The following DNAH8 variants were observed in gnomAD, a reference collection of about 807,000 sequenced individuals.
DNAH8 encodes the protein axonemal beta dynein heavy chain 8.
Under a neutral mutation model 562.1 loss-of-function variants are expected in DNAH8, and 382 were observed. The observed-to-expected ratio is 0.68, with a 90% CI of 0.63 to 0.74. The LOEUF (loss-of-function observed/expected upper bound fraction) is 0.74, where lower values mean the gene tolerates loss of function less well. Among genes scored for constraint, DNAH8 ranks in the 30% least tolerant of loss-of-function variants. DNAH8 has a pLI of 0.00. For synonymous variants in DNAH8, 1,881 were observed against 1,919.4 expected, an observed-to-expected ratio of 0.98 and a Z score of 0.52; for missense variants, 5,203 against 5,620.4, an observed-to-expected ratio of 0.93 and a Z score of 2.37.
chr6:38,910,264 A>G (rs942223909), intron 65 of DNAH8, among the ~76,000 whole-genome samples: 1 of 152,218 alleles, frequency 6.6e-6, no homozygotes, highest in Non-Finnish European at 1.5e-5. Flanking sequence ...CAGCAATGGC[A>G]TGTTCATTAT....
Position 38,725,257 on chromosome 6 carries a change from T to C in DNAH8, c.525+1786T>C, listed in dbSNP as rs192845237. On this transcript the variant is annotated intron_variant, in intron 3 of 92. Coordinates refer to ENST00000327475, the MANE Select transcript of DNAH8 (RefSeq NM_001206927.2). The stretch of plus-strand genomic sequence containing the variant: ...GGCAGAGGTTGCAGTGAGCCGAGAC[T>C]GTACCACTGCACTCCATCCTGGGCG... 2.6e-4 allele frequency among the ~76,000 whole-genome samples: 39 copies of C among 150,158 alleles called. 1 individual carries two copies. The East Asian group carries it at 7.4e-3, about 29-fold the overall frequency.
rs1164779096 is a variant in DNAH8, at chr6:38,790,348, A to C, written c.2724A>C (p.Glu908Asp). The C allele has an allele frequency of 1.2e-6, 2 of 1,609,156 alleles. No individual in the cohort carries two copies. The highest frequency in any genetic ancestry group is 1.7e-6 in the Non-Finnish European group (2 of 1,178,714). The change falls in exon 20 of 93, where the codon GAA becomes GAC. Residue 908 changes from glutamate (E) to aspartate (D), a missense_variant. Transcript: ENST00000327475. ...TVLTWSSLTL[E>D]SFFQEVELVL... ...TAACATGGTCGTCTTTAACACTGGA[A>C]AGCTTCTTTCAAGAAGTCGAATTAG...
Position 38,842,683 on chromosome 6 carries a change from G to A in DNAH8, c.4625G>A (p.Gly1542Glu), listed in dbSNP as rs745505994. The A allele has an allele frequency of 6.2e-7, 1 of 1,612,920 alleles. No individual in the cohort carries two copies. Among genetic ancestry groups the A allele is most frequent in the South Asian group, 1.1e-5 (1 of 90,610 alleles). The change falls in exon 35 of 93, where the codon GGA (glycine) becomes GAA (glutamate). Residue 1542 changes from glycine (G) to glutamate (E), a missense_variant. Physicochemically the swap from Gly to Glu is moderately conservative, Grantham distance 98. Around this residue, in one of 6 missense-constraint regions of DNAH8, gnomAD observed 2,176 missense variants for 2,365.1 expected, o/e 0.92. Transcript: ENST00000327475. ...FQNRCRKLPK[G>E]LKDWQAFLDL... ...GAAAGATGTCGTAAACTTCCAAAAG[G>A]ACTTAAAGATTGGCAAGCTTTTTTG...
chr6:38,802,491 A>G (rs1318196813), intron 21 of DNAH8, among the ~76,000 whole-genome samples: 2 of 152,220 alleles, frequency 1.3e-5, no homozygotes, highest in African/African-American at 4.8e-5. Flanking sequence ...TTCTTTTCTG[A>G]ATTTGACTAG....
intron 65 of DNAH8, 94 bp downstream of exon 65, chr6:38,909,838 T>G (rs1037591153): frequency 7.1e-6 from 7 of 991,688 alleles, no homozygotes; most frequent in Non-Finnish European, 1.1e-5. Flanking sequence ...ACTCTTTCTA[T>G]TCATTGAGCA....
intron 82 of DNAH8, among the ~76,000 whole-genome samples, chr6:38,960,780 G>C (rs1561917283): frequency 6.6e-6 from 1 of 151,826 alleles, no homozygotes; most frequent in Non-Finnish European, 1.5e-5. Flanking sequence ...TCCAAAAGAG[G>C]TGCAATCATT....
chr6:38,882,358 A>G (rs991564053), intron 53 of DNAH8, among the ~76,000 whole-genome samples: 2 of 152,248 alleles, frequency 1.3e-5, no homozygotes, highest in African/African-American at 4.8e-5. Context: ...TGGTACACAT[A>G]TACCATGGAA....
intron 9 of DNAH8, among the ~76,000 whole-genome samples, chr6:38,752,585 C>A (rs1359812156): frequency 6.6e-6 from 1 of 151,786 alleles, no homozygotes; most frequent in East Asian, 1.9e-4. Context: ...TGTTGACCAA[C>A]CTTCTTGGGT....
chr6:38,755,581 G>T (rs973571899), intron 9 of DNAH8, among the ~76,000 whole-genome samples: 1 of 152,146 alleles, frequency 6.6e-6, no homozygotes, highest in African/African-American at 2.4e-5. Flanking sequence ...CCTTAAGAAA[G>T]TCACTTTACC....
At chr6:38,721,129 G>A (rs1386580209) in intron 1 of DNAH8, among the ~76,000 whole-genome samples, 1 of 152,060 alleles carries the variant, frequency 6.6e-6, no homozygotes, top group Admixed American at 6.6e-5. Context: ...CTGAGCAACA[G>A]AGTGAAACCC....
At position 38,768,152 on chromosome 6, in the gene DNAH8, T is replaced by C. The variant is rs12175691; in HGVS notation, c.1618-2261T>C. ...TTCTCCATTTTTGAATTGGGTTGTT[T>C]GGGTTTTTTGTTGTTGTTGTTGTTG... On this transcript the variant is annotated intron_variant, in intron 11 of 92. Coordinates refer to ENST00000327475, the MANE Select transcript of DNAH8 (RefSeq NM_001206927.2). Among the ~76,000 whole-genome samples the C allele has an allele frequency of 1.6e-3, 240 of 152,332 alleles. 7 individuals are homozygous for C. The East Asian group carries it at 0.036, about 23-fold the overall frequency.
chr6:38,903,233 A>C (rs867730342), intron 62 of DNAH8, among the ~76,000 whole-genome samples: 2 of 152,270 alleles, frequency 1.3e-5, no homozygotes, highest in Middle Eastern at 3.4e-3. Flanking sequence ...TTTTGGCTCA[A>C]GGTTCTGCAG....
chr6:38,921,264 G>C lies in DNAH8; in HGVS notation c.10525-105G>C, dbSNP rs113271916. The stretch of plus-strand genomic sequence containing the variant: ...TGAAGACACGGAAACAGATGTGCTC[G>C]AAAGTCCCGTCTAGTGCAGAAATTA... On this transcript the variant is annotated intron_variant, in intron 70 of 92. Coordinates refer to ENST00000327475, the MANE Select transcript of DNAH8 (RefSeq NM_001206927.2). 8.2e-5 allele frequency: 110 copies of C among 1,346,084 alleles called. 2 individuals are homozygous for C. The East Asian group carries it at 2.6e-3, about 32-fold the overall frequency. 83.4% of individuals were successfully genotyped at this position (1,346,084 alleles called of 1,614,324 possible). A position where few individuals can be genotyped will look rare whatever the true frequency, so the allele number is the denominator to read the frequency against.
At chr6:38,807,424 C>G (rs1346379527) in intron 23 of DNAH8, among the ~76,000 whole-genome samples, 186 bp from the exon 24 acceptor site, 1 of 152,012 alleles carries the variant, frequency 6.6e-6, no homozygotes, top group African/African-American at 2.4e-5. Context: ...TTCATGTATT[C>G]TTATTTGTCT....
chr6:38,896,804 G>T (rs554447822), intron 60 of DNAH8, among the ~76,000 whole-genome samples: 2 of 152,058 alleles, frequency 1.3e-5, no homozygotes, highest in African/African-American at 4.8e-5. Flanking sequence ...TATTTATTTT[G>T]AGATGGAGTC....
chr6:38,894,485 A>T (rs534828112), intron 58 of DNAH8, among the ~76,000 whole-genome samples: 1 of 152,310 alleles, frequency 6.6e-6, no homozygotes, highest in East Asian at 1.9e-4. Context: ...TTGGTCTTGA[A>T]TCCATCCTAT....
At chr6:38,760,312 T>C (rs1766361728) in intron 10 of DNAH8, among the ~76,000 whole-genome samples, 1 of 152,184 alleles carries the variant, frequency 6.6e-6, no homozygotes, top group Non-Finnish European at 1.5e-5. Context: ...GTTGAAGATA[T>C]TGCTCAATCA....
chr6:38,743,332 A>G (rs189695013), intron 8 of DNAH8, among the ~76,000 whole-genome samples: 9 of 152,244 alleles, frequency 5.9e-5, no homozygotes, highest in Admixed American at 2.6e-4. Context: ...ATTAGGTTTT[A>G]TCTGATCATT....
chr6:38,898,492 G>C (rs1779855662), intron 61 of DNAH8, 112 bp downstream of exon 61: 2 of 868,204 alleles, frequency 2.3e-6, no homozygotes, highest in Admixed American at 7.3e-5. Context: ...CCGTATAGAA[G>C]ACTGTACATA....
Sources: gnomAD v4.1 joint callset for allele counts (sites outside exome capture counted in the v4.1 genomes callset) on GRCh38, gnomAD v4.1.1 for gene constraint, gnomAD v4.1.1 regional missense constraint, MANE v1.5 for transcripts, NCBI Gene and HGNC (gene_info 2026-07-23, HGNC 2026-07-21) for gene names.